Variants in FAT3 observed in about 807,000 individuals in gnomAD.
The protein encoded by FAT3 is FAT atypical cadherin 3.
FAT3 carries 95 observed loss-of-function variants against 310.2 expected under a neutral mutation model. The observed-to-expected ratio is 0.31, with a 90% CI of 0.26 to 0.36. The LOEUF (loss-of-function observed/expected upper bound fraction) is 0.36. FAT3 is among the 10% of genes least tolerant of loss of function. FAT3 has a pLI of 1.00. For missense variants in FAT3, 5,408 were observed against 5,715.6 expected (o/e 0.95, Z 1.74); for synonymous variants, 2,314 against 2,192.9 (o/e 1.06, Z -1.54).
At chr11:92,876,646 T>A (rs1202712382) in intron 22 of FAT3, among the ~76,000 whole-genome samples, 1 of 152,206 alleles carries the variant, frequency 6.6e-6, no homozygotes, top group African/African-American at 2.4e-5. Flanking sequence ...GGCTGCATAG[T>A]CTCCTCCACT....
chr11:92,778,819 T>C (rs1429469005), intron 7 of FAT3, among the ~76,000 whole-genome samples: 1 of 152,142 alleles, frequency 6.6e-6, no homozygotes, highest in Non-Finnish European at 1.5e-5. Flanking sequence ...CCCAGCTCTG[T>C]CACCGGGCTG....
intron 1 of FAT3, among the ~76,000 whole-genome samples, chr11:92,281,541 C>A (rs1328446662): frequency 4.6e-5 from 7 of 152,134 alleles, no homozygotes; most frequent in African/African-American, 7.2e-5. Flanking sequence ...ACCTGTGGCA[C>A]TGAATGCCAA....
intron 3 of FAT3, among the ~76,000 whole-genome samples, chr11:92,529,454 A>G (rs1214453890): frequency 6.6e-6 from 1 of 152,240 alleles, no homozygotes. Flanking sequence ...GTGGTAAGAT[A>G]TTAGAAGTAG....
At chr11:92,731,082 C>G (rs1025339181) in intron 4 of FAT3, among the ~76,000 whole-genome samples, 1 of 152,184 alleles carries the variant, frequency 6.6e-6, no homozygotes, top group Non-Finnish European at 1.5e-5. Flanking sequence ...ATTTGTGGTG[C>G]TATTAGAATG....
intron 4 of FAT3, among the ~76,000 whole-genome samples, chr11:92,729,770 A>G (rs1038570087): frequency 6.6e-6 from 1 of 152,174 alleles, no homozygotes; most frequent in Admixed American, 6.5e-5. Context: ...TGATAATGGT[A>G]GTTAGTGAAT....
intron 3 of FAT3, among the ~76,000 whole-genome samples, chr11:92,628,489 C>G (rs1591538657): frequency 6.7e-6 from 1 of 149,916 alleles, no homozygotes; most frequent in Non-Finnish European, 1.5e-5. Flanking sequence ...GAAAAATGCT[C>G]TGCCCTCCTC....
chr11:92,573,766 C>G (rs540878869), intron 3 of FAT3, among the ~76,000 whole-genome samples: 31 of 152,184 alleles, frequency 2.0e-4, no homozygotes, highest in African/African-American at 7.0e-4. Flanking sequence ...GGGACAGATT[C>G]TCCCTCAGAG....
chr11:92,666,474 C>T lies in FAT3; in HGVS notation c.3608-30910C>T, dbSNP rs574617524. 4.0e-5 allele frequency among the ~76,000 whole-genome samples: 6 copies of T among 151,316 alleles called. No individual in the cohort carries two copies. In the South Asian group the frequency reaches 1.3e-3, roughly 32 times the overall value. On this transcript the variant is annotated intron_variant, in intron 3 of 27. Coordinates refer to ENST00000525166, the MANE Select transcript of FAT3 (RefSeq NM_001367949.2). ...TCACGCCATTCTCCTGCCTCAGCCT[C>T]CCGAGTAGCTGGGACTACAGACAAC...
At chr11:92,601,128 A>G (rs1288516034) in intron 3 of FAT3, among the ~76,000 whole-genome samples, 1 of 150,178 alleles carries the variant, frequency 6.7e-6, no homozygotes. Flanking sequence ...TTTTTTTTTT[A>G]AGTGGGGAGT....
At chr11:92,577,892 GGAGA>G (rs1236419337) in intron 3 of FAT3, among the ~76,000 whole-genome samples, 3 of 151,964 alleles carry the variant, frequency 2.0e-5, no homozygotes, top group Non-Finnish European at 2.9e-5. Flanking sequence ...GGGAAAAAAG[GGAGA>G]GAGAGATTGA....
At chr11:92,654,472 T>C (rs1418269024) in intron 3 of FAT3, among the ~76,000 whole-genome samples, 1 of 152,242 alleles carries the variant, frequency 6.6e-6, no homozygotes, top group Non-Finnish European at 1.5e-5. Flanking sequence ...TGCTTCTTGC[T>C]GCTTTTCCAT....
chr11:92,432,440 G>T (rs1396407397), intron 2 of FAT3, among the ~76,000 whole-genome samples: 1 of 152,094 alleles, frequency 6.6e-6, no homozygotes, highest in East Asian at 1.9e-4. Flanking sequence ...ATCAGATGGG[G>T]TTTTTGAGTG....
intron 2 of FAT3, among the ~76,000 whole-genome samples, chr11:92,428,948 C>T (rs1295544248): frequency 6.6e-6 from 1 of 152,162 alleles, no homozygotes; most frequent in African/African-American, 2.4e-5. Flanking sequence ...AATTTTCTGT[C>T]TTGTTGATCT....
intron 1 of FAT3, among the ~76,000 whole-genome samples, chr11:92,310,757 A>G (rs2134454316): frequency 6.6e-6 from 1 of 152,052 alleles, no homozygotes; most frequent in Admixed American, 6.6e-5. Context: ...ACCTTTTTAA[A>G]GTTTCCACGA....
intron 2 of FAT3, among the ~76,000 whole-genome samples, chr11:92,372,040 G>A (rs904655643): frequency 2.0e-5 from 3 of 152,158 alleles, no homozygotes; most frequent in African/African-American, 7.2e-5. Flanking sequence ...TCCAGAGAGG[G>A]CACTGAGAAC....
At chr11:92,843,757 G>A (rs1948605445) in intron 18 of FAT3, among the ~76,000 whole-genome samples, 177 bp from the exon 19 acceptor site, 1 of 152,140 alleles carries the variant, frequency 6.6e-6, no homozygotes, top group African/African-American at 2.4e-5. Flanking sequence ...GGGGATAGAA[G>A]GTGATAAATC....
At chr11:92,751,810 C>G (rs888143073) in intron 4 of FAT3, among the ~76,000 whole-genome samples, 1 of 152,098 alleles carries the variant, frequency 6.6e-6, no homozygotes, top group African/African-American at 2.4e-5. Flanking sequence ...GGGAAAAGAG[C>G]ACGTGCTGCC....
chr11:92,252,583 T>G (rs1378085960), intron 1 of FAT3, among the ~76,000 whole-genome samples: 1 of 152,170 alleles, frequency 6.6e-6, no homozygotes, highest in Non-Finnish European at 1.5e-5. Flanking sequence ...AAGAATTTAC[T>G]TGGCTGCAAG....
At chr11:92,834,745 TAAAC>T (rs1948354988) in intron 14 of FAT3, 121 bp from the exon 15 acceptor site, 2 of 868,374 alleles carry the variant, frequency 2.3e-6, no homozygotes, top group Non-Finnish European at 3.5e-6. Context: ...AGGCATTAAA[TAAAC>T]AAATTCCTGA....
Sources: gnomAD v4.1 joint callset for allele counts (sites outside exome capture counted in the v4.1 genomes callset) on GRCh38, gnomAD v4.1.1 for gene constraint, MANE v1.5 for transcripts, NCBI Gene and HGNC (gene_info 2026-07-23, HGNC 2026-07-21) for gene names.